ELAPOR2: variants seen among roughly 807,000 people sequenced by gnomAD.
ELAPOR2 encodes the protein endosome-lysosome associated apoptosis and autophagy regulator family member 2.
A neutral mutation model predicts 120.7 loss-of-function variants in ELAPOR2; 89 were observed. The ratio of observed to expected loss-of-function variants is 0.74; its 90% CI spans 0.62 to 0.88. ELAPOR2 has a LOEUF of 0.88. Ranked by LOEUF, ELAPOR2 falls within the 40% of genes least tolerant of loss-of-function variation. The probability of loss-of-function intolerance (pLI) is 0.00; values close to 1 mark genes in which losing one functional copy is unlikely to be tolerated. For synonymous variants in ELAPOR2, 444 were observed against 444.9 expected, an observed-to-expected ratio of 1.00 and a Z score of 0.03; for missense variants, 1,134 against 1,251.6, an observed-to-expected ratio of 0.91 and a Z score of 1.42.
At chr7:86,944,771 A>C (rs776676788) in intron 4 of ELAPOR2, 128 bp downstream of exon 4, 24 of 633,538 alleles carry the variant, frequency 3.8e-5, no homozygotes, top group Non-Finnish European at 5.7e-5. Context: ...TAACATCAAA[A>C]GGTTCAGTTA....
At chr7:87,050,887 T>C (rs1159615621) in intron 1 of ELAPOR2, among the ~76,000 whole-genome samples, 1 of 152,088 alleles carries the variant, frequency 6.6e-6, no homozygotes, top group Non-Finnish European at 1.5e-5. Flanking sequence ...TCAGTGGAGA[T>C]TGCAGAGTTC....
intron 12 of ELAPOR2, among the ~76,000 whole-genome samples, chr7:86,916,008 C>A (rs533442392): frequency 1.3e-5 from 2 of 152,112 alleles, no homozygotes; most frequent in Non-Finnish European, 2.9e-5. Flanking sequence ...ATTTGTGAAG[C>A]ACTACATGAT....
At chr7:87,003,068 A>G (rs1479265275) in intron 1 of ELAPOR2, among the ~76,000 whole-genome samples, 4 of 152,158 alleles carry the variant, frequency 2.6e-5, no homozygotes, top group African/African-American at 4.8e-5. Flanking sequence ...AGACAGGTAG[A>G]GTCACACAGG....
chr7:86,888,036 C>T (rs1799773835), intron 21 of ELAPOR2, among the ~76,000 whole-genome samples: 1 of 152,046 alleles, frequency 6.6e-6, no homozygotes, highest in Non-Finnish European at 1.5e-5. Flanking sequence ...AGTGATAGCC[C>T]ACCCAGAAGG....
chr7:86,917,985 T>C (rs1358829146), intron 12 of ELAPOR2, among the ~76,000 whole-genome samples: 1 of 152,162 alleles, frequency 6.6e-6, no homozygotes, highest in Non-Finnish European at 1.5e-5. Context: ...GGCAAAATTA[T>C]GACATGAGCA....
rs373916495 is a variant in ELAPOR2, at chr7:87,041,874, G to C, written c.189+17451C>G. On this transcript the variant is annotated intron_variant, in intron 1 of 21. Coordinates refer to ENST00000450689, the MANE Select transcript of ELAPOR2 (RefSeq NM_001142749.3). ...GCTGTATTCAGGAAACCCATCTCAC[G>C]TGCAGAGACACACATAGGCTCAAAA... Among the ~76,000 whole-genome samples the C allele has an allele frequency of 3.3e-5, 5 of 151,884 alleles. No homozygotes were observed. The East Asian group carries it at 9.6e-4, about 29-fold the overall frequency.
intron 10 of ELAPOR2, among the ~76,000 whole-genome samples, chr7:86,921,261 T>C (rs1237791707): frequency 6.6e-6 from 1 of 152,076 alleles, no homozygotes; most frequent in Non-Finnish European, 1.5e-5. Context: ...ACTCTATAGA[T>C]ATAATCAAAT....
At chr7:87,023,676 A>G (rs1794141007) in intron 1 of ELAPOR2, among the ~76,000 whole-genome samples, 1 of 152,076 alleles carries the variant, frequency 6.6e-6, no homozygotes, top group Admixed American at 6.5e-5. Context: ...TTTTCATGAT[A>G]TTGATTCTTC....
intron 1 of ELAPOR2, among the ~76,000 whole-genome samples, chr7:86,994,584 A>G (rs1793061749): frequency 6.6e-6 from 1 of 152,208 alleles, no homozygotes; most frequent in Admixed American, 6.5e-5. Flanking sequence ...TTAACACCTT[A>G]TAACAAGAAA....
intron 1 of ELAPOR2, among the ~76,000 whole-genome samples, chr7:86,990,970 T>C (rs544294777): frequency 6.6e-6 from 1 of 152,364 alleles, no homozygotes; most frequent in African/African-American, 2.4e-5. Context: ...GGGTTGTTCC[T>C]TTAATCTATA....
intron 18 of ELAPOR2, 58 bp from the exon 19 acceptor site, chr7:86,897,690 C>T (rs1412912022): frequency 1.3e-6 from 2 of 1,596,322 alleles, no homozygotes; most frequent in Admixed American, 3.4e-5. Context: ...CCCATTCAAT[C>T]CACTCTAATC....
intron 17 of ELAPOR2, 74 bp downstream of exon 17, chr7:86,908,373 T>C: frequency 4.0e-6 from 3 of 745,214 alleles, no homozygotes; most frequent in Non-Finnish European, 6.8e-6. Flanking sequence ...TATAAATATA[T>C]GAGTATTGGT....
chr7:86,928,833 A>G (rs1200522770), intron 8 of ELAPOR2, among the ~76,000 whole-genome samples: 6 of 152,034 alleles, frequency 3.9e-5, no homozygotes, highest in African/African-American at 4.8e-5. Flanking sequence ...GCTCTATAGT[A>G]AAAGTTTTAT....
At position 87,002,671 on chromosome 7, in the gene ELAPOR2, C is replaced by T. The variant is rs116919219; in HGVS notation, c.190-37647G>A. On this transcript the variant is annotated intron_variant, in intron 1 of 21. Transcript: ENST00000450689. ...CTCACTTCATTGGGGGTAGAGTTCCCAGGGAAGCCCACCAATGCCTCCCAC... is the reference window on the plus strand; with the variant it reads ...CTCACTTCATTGGGGGTAGAGTTCCTAGGGAAGCCCACCAATGCCTCCCAC... Among the ~76,000 whole-genome samples the T allele has an allele frequency of 3.2e-3, 487 of 152,134 alleles. 10 individuals carry two copies. Among genetic ancestry groups the T allele is most frequent in the Admixed American group, 0.026 (398 of 15,254 alleles).
chr7:86,896,146 G>A (rs1386811543), intron 19 of ELAPOR2, among the ~76,000 whole-genome samples: 1 of 151,906 alleles, frequency 6.6e-6, no homozygotes, highest in South Asian at 2.1e-4. Context: ...TGTGTTGTCT[G>A]CTTATTTTTT....
chr7:87,008,373 G>A (rs560499683), intron 1 of ELAPOR2, among the ~76,000 whole-genome samples: 120 of 152,268 alleles, frequency 7.9e-4, no homozygotes, highest in Non-Finnish European at 1.4e-3. Context: ...AATGCAATGT[G>A]AGATCTTAGG....
At chr7:86,885,245 A>C (rs1162613058) in intron 21 of ELAPOR2, among the ~76,000 whole-genome samples, 1 of 152,170 alleles carries the variant, frequency 6.6e-6, no homozygotes, top group African/African-American at 2.4e-5. Context: ...AAATCAACAA[A>C]AGGACATAAA....
chr7:86,926,747 T>A lies in ELAPOR2; in HGVS notation c.1259A>T (p.Asp420Val). 1 of 1,607,762 alleles carries A rather than the reference T, an allele frequency of 6.2e-7. No homozygotes were observed. Among genetic ancestry groups the A allele is most frequent in the Non-Finnish European group, 8.5e-7 (1 of 1,176,922 alleles). The change falls in exon 9 of 22, where the codon GAT becomes GTT. Residue 420 changes from aspartate to valine, a missense_variant. By Grantham distance (152) the Asp-to-Val change is radical (BLOSUM62 -3). Around this residue, in one of 3 missense-constraint regions of ELAPOR2, gnomAD observed 831 missense variants for 867.6 expected, o/e 0.96. Coordinates refer to ENST00000450689, the MANE Select transcript of ELAPOR2 (RefSeq NM_001142749.3). ...AATTGACATCCTACCTTTGGTTCCA[T>A]CTGAAAATGTTCCAGGAGGACAGGG... Reference protein sequence around the residue: ...CHPCPPGTFSDGTKECRPCPA... With the variant: ...CHPCPPGTFSVGTKECRPCPA...
intron 18 of ELAPOR2, among the ~76,000 whole-genome samples, chr7:86,902,817 G>A (rs1164998060): frequency 6.6e-6 from 1 of 152,114 alleles, no homozygotes; most frequent in Non-Finnish European, 1.5e-5. Flanking sequence ...TCACTTGGCT[G>A]AGTCTTTTTC....
Sources: gnomAD v4.1 joint callset for allele counts (sites outside exome capture counted in the v4.1 genomes callset) on GRCh38, gnomAD v4.1.1 for gene constraint, gnomAD v4.1.1 regional missense constraint, MANE v1.5 for transcripts, NCBI Gene and HGNC (gene_info 2026-07-23, HGNC 2026-07-21) for gene names.